DPP6: variants seen among roughly 807,000 people sequenced by gnomAD.
DPP6 encodes the protein dipeptidyl peptidase like 6, also known as A-type potassium channel modulatory protein DPP6.
DPP6 carries 69 observed loss-of-function variants against 122.6 expected under a neutral mutation model. The ratio of observed to expected loss-of-function variants is 0.56; its 90% CI spans 0.46 to 0.69. The LOEUF (loss-of-function observed/expected upper bound fraction) is 0.69. Ranked by LOEUF, DPP6 falls within the 30% of genes least tolerant of loss-of-function variation. The pLI is 0.00. For missense variants in DPP6, 928 were observed against 1,116.9 expected (o/e 0.83, Z 2.41); for synonymous variants, 418 against 433.1 (o/e 0.97, Z 0.43).
chr7:154,452,237 G>A (rs1196253329), intron 2 of DPP6, among the ~76,000 whole-genome samples: 5 of 152,218 alleles, frequency 3.3e-5, no homozygotes, highest in Non-Finnish European at 5.9e-5. Flanking sequence ...CATGTGCAAG[G>A]AGAATTCCAC....
chr7:154,425,635 T>G (rs1238937622), intron 1 of DPP6, among the ~76,000 whole-genome samples: 23 of 146,278 alleles, frequency 1.6e-4, no homozygotes, highest in East Asian at 1.4e-3. Flanking sequence ...TGTGTGTGTG[T>G]GTGTGTGTGT....
At chr7:154,376,898 A>G (rs897956508) in intron 1 of DPP6, among the ~76,000 whole-genome samples, 4 of 152,196 alleles carry the variant, frequency 2.6e-5, no homozygotes, top group Non-Finnish European at 4.4e-5. Flanking sequence ...GAAATCATAT[A>G]GTTTCCCAGC....
intron 1 of DPP6, among the ~76,000 whole-genome samples, chr7:154,133,318 G>C (rs1295896871): frequency 6.6e-6 from 1 of 152,152 alleles, no homozygotes; most frequent in Non-Finnish European, 1.5e-5. Context: ...ACCTGAGCCT[G>C]TGTGCCTTCC....
At chr7:154,148,699 A>G (rs1796247859) in intron 1 of DPP6, among the ~76,000 whole-genome samples, 1 of 152,304 alleles carries the variant, frequency 6.6e-6, no homozygotes, top group Non-Finnish European at 1.5e-5. Flanking sequence ...TTGAAATTTC[A>G]AATGTCATTA....
intron 8 of DPP6, among the ~76,000 whole-genome samples, chr7:154,730,176 G>C (rs913231985): frequency 6.6e-6 from 1 of 152,164 alleles, no homozygotes; most frequent in Non-Finnish European, 1.5e-5. Flanking sequence ...GGTCCTGTTT[G>C]CTCCCTGATA....
intron 16 of DPP6, among the ~76,000 whole-genome samples, chr7:154,812,265 G>A (rs1345788900): frequency 1.3e-5 from 2 of 152,146 alleles, no homozygotes; most frequent in Non-Finnish European, 2.9e-5. Flanking sequence ...CTGCCTTTCT[G>A]TGGGCCTTCC....
upstream of DPP6, among the ~76,000 whole-genome samples, chr7:153,885,580 C>A (rs1307515770): frequency 6.6e-6 from 1 of 152,252 alleles, no homozygotes; most frequent in East Asian, 1.9e-4. Flanking sequence ...GGACTTCCAG[C>A]CTCCAGAACT....
intron 1 of DPP6, among the ~76,000 whole-genome samples, chr7:154,160,156 T>C (rs1796906316): frequency 6.6e-6 from 1 of 151,264 alleles, no homozygotes; most frequent in Non-Finnish European, 1.5e-5. Context: ...CATAGAGCGG[T>C]TAATTGGCTA....
At chr7:154,214,456 T>C (rs146345838) in intron 1 of DPP6, among the ~76,000 whole-genome samples, 4 of 152,234 alleles carry the variant, frequency 2.6e-5, no homozygotes, top group Non-Finnish European at 4.4e-5. Context: ...TGATGAATTA[T>C]TAAATAAACA....
Position 154,853,825 on chromosome 7 carries a change from AAAGT to A in DPP6, c.1714+3_1714+6del. ...ACGGTGCACAACACAACAGATAAGA[AAAGT>A]AAGTGCTCTTTTTTTTCCTTAAATC... On this transcript the variant is annotated splice_donor_variant and coding_sequence_variant, in exon 17 of 26. Transcript: ENST00000377770. LOFTEE classifies it high-confidence loss of function. 6.2e-7 allele frequency: 1 copy of A among 1,613,856 alleles called. No homozygotes were observed. Among genetic ancestry groups the A allele is most frequent in the Non-Finnish European group, 8.5e-7 (1 of 1,179,842 alleles).
chr7:154,830,258 CT>C (rs1419289911), intron 16 of DPP6, among the ~76,000 whole-genome samples: 3 of 152,138 alleles, frequency 2.0e-5, no homozygotes, highest in Non-Finnish European at 4.4e-5. Context: ...CTGGCTTCCT[CT>C]GTCTATCGAT....
At chr7:153,866,380 G>T in the DPP6 span, among the ~76,000 whole-genome samples, 1 of 152,166 alleles carries the variant, frequency 6.6e-6, no homozygotes, top group South Asian at 2.1e-4. Flanking sequence ...TTGTGGTTTT[G>T]ATTTGCATTT....
At chr7:154,122,612 T>C (rs1807563362) in intron 1 of DPP6, among the ~76,000 whole-genome samples, 2 of 152,328 alleles carry the variant, frequency 1.3e-5, no homozygotes, top group South Asian at 4.1e-4. Flanking sequence ...AGCAATTTGC[T>C]GTAATAATTG....
chr7:153,761,622 C>T, the DPP6 span, among the ~76,000 whole-genome samples: 7 of 152,076 alleles, frequency 4.6e-5, no homozygotes, highest in East Asian at 5.8e-4. Flanking sequence ...TACACAGTTA[C>T]GTGTGTATCA....
chr7:154,554,482 T>C (rs1829873544), intron 4 of DPP6, among the ~76,000 whole-genome samples: 1 of 152,174 alleles, frequency 6.6e-6, no homozygotes. Context: ...ATTTTATATC[T>C]CTTTTTTCCC....
intron 1 of DPP6, among the ~76,000 whole-genome samples, chr7:154,279,220 G>T (rs1468650654): frequency 6.6e-6 from 1 of 152,062 alleles, no homozygotes; most frequent in Non-Finnish European, 1.5e-5. Context: ...TATGGTGTAT[G>T]CATAATTGTG....
At chr7:154,480,010 T>A in intron 3 of DPP6, among the ~76,000 whole-genome samples, 1 of 151,966 alleles carries the variant, frequency 6.6e-6, no homozygotes, top group East Asian at 1.9e-4. Context: ...CCTGCACCAC[T>A]CCCACCCCGC....
chr7:154,061,571 T>A (rs1392444805), intron 1 of DPP6, among the ~76,000 whole-genome samples: 1 of 146,374 alleles, frequency 6.8e-6, no homozygotes, highest in African/African-American at 2.5e-5. Context: ...TTGTGATGGC[T>A]GAGATCCATC....
intron 1 of DPP6, among the ~76,000 whole-genome samples, chr7:154,356,216 CTT>C (rs1811256765): frequency 6.6e-6 from 1 of 152,040 alleles, no homozygotes; most frequent in African/African-American, 2.4e-5. Flanking sequence ...TTTATATTGA[CTT>C]TGCATTTTCT....
Sources: gnomAD v4.1 joint callset for allele counts (sites outside exome capture counted in the v4.1 genomes callset) on GRCh38, gnomAD v4.1.1 for gene constraint, MANE v1.5 for transcripts, NCBI Gene and HGNC (gene_info 2026-07-23, HGNC 2026-07-21) for gene names.